The following NRDC variants were observed in gnomAD, a reference collection of about 807,000 sequenced individuals.
NRDC encodes nardilysin convertase.
In NRDC, 54 loss-of-function variants were observed where a neutral mutation model predicts 147.1. The observed-to-expected ratio is 0.37, with a 90% confidence interval of 0.29 to 0.46. The LOEUF is 0.46. Ranked by LOEUF, NRDC falls within the 20% of genes least tolerant of loss-of-function variation. The pLI, the probability that NRDC is intolerant of heterozygous loss-of-function variation, is 1.00. For synonymous variants in NRDC, 440 were observed against 482.1 expected (o/e 0.91, Z 1.14); for missense variants, 1,082 against 1,370.6 (o/e 0.79, Z 3.33).
At chr1:51,793,643 T>C (rs1678753253) in intron 24 of NRDC, among the ~76,000 whole-genome samples, 1 of 152,086 alleles carries the variant, frequency 6.6e-6, no homozygotes, top group South Asian at 2.1e-4. Context: ...GGGGCAGAGA[T>C]ACAAGACAAA....
chr1:51,790,445 C>T (rs1389657870), intron 29 of NRDC, 88 bp downstream of exon 29: 5 of 823,152 alleles, frequency 6.1e-6, no homozygotes, highest in African/African-American at 1.7e-5. Context: ...TTCTCTTCCA[C>T]ACAATGCTGG....
chr1:51,845,582 G>A (rs1457203129), intron 1 of NRDC, among the ~76,000 whole-genome samples: 3 of 152,038 alleles, frequency 2.0e-5, no homozygotes, highest in Non-Finnish European at 4.4e-5. Context: ...GACAGAGCGA[G>A]ACTCCGTCAC....
In NRDC at chr1:51,799,391, CTG is replaced by C. The variant is rs1186865391; in HGVS notation, c.2442-982_2442-981del. On this transcript the variant is annotated intron_variant, in intron 21 of 30. Coordinates refer to ENST00000352171, the MANE Select transcript of NRDC (RefSeq NM_001101662.2). ...GGCCCTGGTGTGTGATGTTCCCTCC[CTG>C]TGTCCATGTCCTTTCTAACATATAT... Among the ~76,000 whole-genome samples the C allele has an allele frequency of 1.4e-4, 21 of 152,154 alleles. No homozygotes were observed. The East Asian group carries it at 4.1e-3, about 29-fold the overall frequency.
intron 20 of NRDC, among the ~76,000 whole-genome samples, chr1:51,801,848 C>T (rs1557900684): frequency 6.6e-6 from 1 of 151,902 alleles, no homozygotes; most frequent in Non-Finnish European, 1.5e-5. Context: ...AATGCAGTGG[C>T]GCGATCTCGG....
chr1:51,849,675 GC>G (rs1344131872), intron 1 of NRDC, among the ~76,000 whole-genome samples: 128 of 150,934 alleles, frequency 8.5e-4, no homozygotes, highest in African/African-American at 3.1e-3. Flanking sequence ...AATTAGCCGG[GC>G]ATGGTGGCTG....
intron 8 of NRDC, 95 bp downstream of exon 8, chr1:51,821,403 G>A: frequency 1.4e-6 from 1 of 737,312 alleles, no homozygotes; most frequent in South Asian, 1.9e-5. Flanking sequence ...TATCACCTGT[G>A]TAAAAATAAA....
At chr1:51,864,829 G>A (rs12086540) in intron 1 of NRDC, among the ~76,000 whole-genome samples, 13,970 of 151,714 alleles carry the variant, frequency 0.092, 1,215 homozygotes, top group African/African-American at 0.23. Context: ...GTGCATGCCT[G>A]TAGTTCCAGC....
intron 21 of NRDC, among the ~76,000 whole-genome samples, chr1:51,799,777 G>T (rs1478029775): frequency 6.6e-6 from 1 of 152,162 alleles, no homozygotes; most frequent in Non-Finnish European, 1.5e-5. Context: ...CTGAATGAAG[G>T]CCCAAGGGGG....
chr1:51,866,383 G>A (rs1682807241), intron 1 of NRDC, among the ~76,000 whole-genome samples: 1 of 152,066 alleles, frequency 6.6e-6, no homozygotes. Context: ...AAATGAGTAT[G>A]CCCAGTCATT....
At position 51,819,669 on chromosome 1, in the gene NRDC, T is replaced by C. The variant is rs538541046; in HGVS notation, c.1291+131A>G. 1,011 of 687,246 alleles carry C rather than the reference T, an allele frequency of 1.5e-3. 1 individual carries two copies. Among genetic ancestry groups the C allele is most frequent in the Non-Finnish European group, 2.2e-3 (898 of 400,696 alleles). 42.6% of individuals were successfully genotyped at this position (687,246 alleles called of 1,614,324 possible). A position where few individuals can be genotyped will look rare whatever the true frequency, so the allele number is the denominator to read the frequency against. On this transcript the variant is annotated intron_variant, in intron 9 of 30. Coordinates refer to ENST00000352171, the MANE Select transcript of NRDC (RefSeq NM_001101662.2). ...TTATTAATTAGATCTCCATTGCCCA[T>C]CTACTTCCTTTCCAACCCAGCTGTA...
chr1:51,807,703 A>T (rs1306394725), intron 17 of NRDC, among the ~76,000 whole-genome samples: 7 of 152,032 alleles, frequency 4.6e-5, no homozygotes, highest in African/African-American at 1.7e-4. Context: ...TAAAACCCTA[A>T]CTCAGAAAAC....
chr1:51,872,387 C>T (rs1320701146), intron 1 of NRDC, among the ~76,000 whole-genome samples: 1 of 152,140 alleles, frequency 6.6e-6, no homozygotes, highest in Non-Finnish European at 1.5e-5. Flanking sequence ...TCTTTCTATT[C>T]TTACTAGCCC....
At chr1:51,807,284 GAA>G (rs1679511084) in intron 17 of NRDC, among the ~76,000 whole-genome samples, 1 of 152,112 alleles carries the variant, frequency 6.6e-6, no homozygotes, top group African/African-American at 2.4e-5. Flanking sequence ...CTATACATTT[GAA>G]AAGTTACAAA....
At chr1:51,814,517 G>T in intron 13 of NRDC, 34 bp downstream of exon 13, 1 of 1,596,782 alleles carries the variant, frequency 6.3e-7, no homozygotes, top group South Asian at 1.1e-5. Context: ...TACCAGGACT[G>T]GCTCCTGGCC....
intron 30 of NRDC, 61 bp downstream of exon 30, chr1:51,789,507 A>G: frequency 6.3e-7 from 1 of 1,588,516 alleles, no homozygotes; most frequent in Non-Finnish European, 8.6e-7. Flanking sequence ...GATGATAACC[A>G]CCCAAACTCA....
In NRDC at chr1:51,856,629, C is replaced by T. The variant is rs117823217; in HGVS notation, c.342-16115G>A. ...TTCTATGCCCTTCCTGTGCAGGCCA[C>T]CCTCCAAGAACCTCCACGTGTTGAG... On this transcript the variant is annotated intron_variant, in intron 1 of 30. Coordinates refer to ENST00000352171, the MANE Select transcript of NRDC (RefSeq NM_001101662.2). Among the ~76,000 whole-genome samples the T allele has an allele frequency of 1.5e-3, 225 of 152,234 alleles. 5 individuals carry two copies. The East Asian group carries it at 0.042, about 28-fold the overall frequency.
rs146964471 is a variant in NRDC, at chr1:51,866,209, G to A, written c.341+12066C>T. On this transcript the variant is annotated intron_variant, in intron 1 of 30. Coordinates refer to ENST00000352171, the MANE Select transcript of NRDC (RefSeq NM_001101662.2). ...TGCACTCCAGCCTGGATAACAGAGT[G>A]AGACCTTATCTTTAAAAAAAAGAAA... is the stretch of plus-strand genomic sequence containing the variant. Among the ~76,000 whole-genome samples the A allele has an allele frequency of 1.2e-3, 180 of 152,180 alleles. 1 individual carries two copies. Among genetic ancestry groups the A allele is most frequent in the African/African-American group, 4.2e-3 (173 of 41,514 alleles).
chr1:51,846,749 C>G (rs1276948577), intron 1 of NRDC, among the ~76,000 whole-genome samples: 2 of 152,222 alleles, frequency 1.3e-5, no homozygotes, highest in African/African-American at 4.8e-5. Flanking sequence ...GTTATCACCC[C>G]AGGAGCCTGC....
intron 1 of NRDC, among the ~76,000 whole-genome samples, chr1:51,849,835 G>C (rs926268560): frequency 2.0e-5 from 3 of 149,548 alleles, no homozygotes; most frequent in Non-Finnish European, 4.5e-5. Context: ...AAAAAAGAAA[G>C]AAAAGGAAAG....
Sources: allele counts gnomAD v4.1 joint callset (sites outside exome capture counted in the v4.1 genomes callset), GRCh38; gene constraint gnomAD v4.1.1; transcripts MANE v1.5; gene names NCBI Gene and HGNC (gene_info 2026-07-23, HGNC 2026-07-21).